Variants in RIN3 observed in about 807,000 individuals in gnomAD.
RIN3 encodes RAB5 interacting protein 3.
In RIN3, 54 loss-of-function variants were observed where a neutral mutation model predicts 76.3. That is an observed-to-expected ratio of 0.71 (90% CI 0.57 to 0.89). The LOEUF (loss-of-function observed/expected upper bound fraction) is 0.89. Among genes scored for constraint, RIN3 ranks in the 40% least tolerant of loss-of-function variants. The probability of loss-of-function intolerance (pLI) is 0.00; values close to 1 mark genes in which losing one functional copy is unlikely to be tolerated. For synonymous variants in RIN3, 576 were observed against 564.0 expected, an observed-to-expected ratio of 1.02 and a Z score of -0.30; for missense variants, 1,256 against 1,322.1, an observed-to-expected ratio of 0.95 and a Z score of 0.78.
chr14:92,676,205 C>T (rs1396144546), intron 7 of RIN3, among the ~76,000 whole-genome samples: 1 of 151,734 alleles, frequency 6.6e-6, no homozygotes, highest in Non-Finnish European at 1.5e-5. Flanking sequence ...AGAGGGAGGA[C>T]TAGGAAAGGG....
At chr14:92,665,257 G>C (rs1409888730) in intron 7 of RIN3, among the ~76,000 whole-genome samples, 1 of 151,968 alleles carries the variant, frequency 6.6e-6, no homozygotes, top group Non-Finnish European at 1.5e-5. Context: ...TGTAGAAAAG[G>C]TGCAGTAAAA....
chr14:92,665,913 C>T (rs1289148418), intron 7 of RIN3, among the ~76,000 whole-genome samples: 1 of 152,146 alleles, frequency 6.6e-6, no homozygotes, highest in African/African-American at 2.4e-5. Context: ...GCAGGTGATC[C>T]GGGCAGCTGT....
intron 4 of RIN3, among the ~76,000 whole-genome samples, chr14:92,636,786 A>C (rs1038094615): frequency 1.2e-4 from 19 of 152,202 alleles, no homozygotes; most frequent in Non-Finnish European, 2.4e-4. Context: ...ATGGTGGCTC[A>C]TGCCTGTAAT....
chr14:92,684,623 C>G (rs927777032), intron 8 of RIN3, among the ~76,000 whole-genome samples: 2 of 152,008 alleles, frequency 1.3e-5, no homozygotes, highest in African/African-American at 4.8e-5. Context: ...TGAGAAGTCT[C>G]CTGCCCACCC....
chr14:92,644,879 A>AG (rs1260677340), intron 5 of RIN3: 1 of 152,252 alleles, frequency 6.6e-6, no homozygotes, highest in East Asian at 1.9e-4. Flanking sequence ...GCGTTTGTCA[A>AG]GGGCCCTGAC....
chr14:92,584,605 G>A (rs538639294), intron 3 of RIN3, among the ~76,000 whole-genome samples: 30 of 152,118 alleles, frequency 2.0e-4, no homozygotes, highest in African/African-American at 4.6e-4. Flanking sequence ...TCAGAGGCCC[G>A]ATGTGTGTGG....
chr14:92,543,232 T>C (rs967531774), intron 1 of RIN3, among the ~76,000 whole-genome samples: 1 of 151,444 alleles, frequency 6.6e-6, no homozygotes, highest in African/African-American at 2.4e-5. Flanking sequence ...GCACAAGCCA[T>C]GTTCACATAG....
intron 7 of RIN3, among the ~76,000 whole-genome samples, chr14:92,661,775 C>A (rs539646513): frequency 8.4e-6 from 1 of 118,838 alleles, no homozygotes; most frequent in African/African-American, 3.4e-5. Context: ...TAGAATTGTG[C>A]TCCCCAAAAG....
intron 3 of RIN3, among the ~76,000 whole-genome samples, chr14:92,601,945 G>C (rs1314575560): frequency 6.6e-6 from 1 of 152,222 alleles, no homozygotes; most frequent in Non-Finnish European, 1.5e-5. Context: ...CCTTTTCTCA[G>C]ACTTTTAGAA....
At chr14:92,557,135 C>G (rs183783774) in intron 2 of RIN3, among the ~76,000 whole-genome samples, 2 of 152,330 alleles carry the variant, frequency 1.3e-5, no homozygotes, top group Non-Finnish European at 2.9e-5. Context: ...ATTCACGTAG[C>G]GGCAAGCATT....
At chr14:92,527,538 G>A (rs766165194) in intron 1 of RIN3, among the ~76,000 whole-genome samples, 3 of 152,088 alleles carry the variant, frequency 2.0e-5, no homozygotes, top group African/African-American at 7.2e-5. Flanking sequence ...TAATTTACAC[G>A]GAGTAAAAGT....
intron 1 of RIN3, among the ~76,000 whole-genome samples, chr14:92,531,529 C>T (rs917846964): frequency 5.3e-5 from 8 of 152,192 alleles, no homozygotes; most frequent in Non-Finnish European, 1.0e-4. Flanking sequence ...TGCAAGGGCA[C>T]CTGGGCCTGG....
rs554124721 is a variant in RIN3 at position 92,670,510 on chromosome 14, G to A, written c.2336-5965G>A. 9.8e-4 allele frequency among the ~76,000 whole-genome samples: 150 copies of A among 152,312 alleles called. 1 individual carries two copies. The highest frequency in any genetic ancestry group is 3.4e-3 in the Middle Eastern group (1 of 294). On this transcript the variant is annotated intron_variant, in intron 7 of 9. Coordinates refer to ENST00000216487, the MANE Select transcript of RIN3 (RefSeq NM_024832.5). ...CCTGGGGTTCCAGGCTGCTCAGGAA[G>A]GAGAGGGCAGCCCTAACTGCCAAAA...
intron 1 of RIN3, among the ~76,000 whole-genome samples, chr14:92,520,105 C>T (rs1023767779): frequency 6.6e-6 from 1 of 152,236 alleles, no homozygotes; most frequent in African/African-American, 2.4e-5. Flanking sequence ...TCAGTAATAC[C>T]CAGGGGTGCC....
intron 4 of RIN3, among the ~76,000 whole-genome samples, chr14:92,630,531 C>T (rs1448735501): frequency 6.6e-6 from 1 of 152,214 alleles, no homozygotes; most frequent in Non-Finnish European, 1.5e-5. Flanking sequence ...CAGTCAGTGC[C>T]CTTGTTCTAC....
intron 4 of RIN3, among the ~76,000 whole-genome samples, chr14:92,626,118 T>TG (rs1480007678): frequency 6.6e-5 from 10 of 152,230 alleles, no homozygotes; most frequent in Non-Finnish European, 1.5e-4. Context: ...ATTCTGAGCA[T>TG]GGGGCACTGA....
intron 1 of RIN3, among the ~76,000 whole-genome samples, chr14:92,553,373 G>A (rs1485162536): frequency 1.3e-5 from 2 of 152,084 alleles, no homozygotes; most frequent in Non-Finnish European, 2.9e-5. Flanking sequence ...TCTTTTCTGG[G>A]AAATTCAGAC....
At chr14:92,589,322 T>G (rs1284750512) in intron 3 of RIN3, among the ~76,000 whole-genome samples, 1 of 152,090 alleles carries the variant, frequency 6.6e-6, no homozygotes, top group Non-Finnish European at 1.5e-5. Context: ...CATCAGATGT[T>G]CCCTATCCTT....
chr14:92,529,849 C>A (rs1340287122), intron 1 of RIN3, among the ~76,000 whole-genome samples: 2 of 152,090 alleles, frequency 1.3e-5, no homozygotes, highest in African/African-American at 2.4e-5. Context: ...GTTAGATAAG[C>A]CTTATTCAGG....
Sources: allele counts gnomAD v4.1 joint callset (sites outside exome capture counted in the v4.1 genomes callset), GRCh38; gene constraint gnomAD v4.1.1; transcripts MANE v1.5; gene names NCBI Gene and HGNC (gene_info 2026-07-23, HGNC 2026-07-21).